Variants in TEAD1 observed in about 807,000 individuals in gnomAD.
The protein encoded by TEAD1 is TEA domain transcription factor 1.
In TEAD1, 9 loss-of-function variants were observed where a neutral mutation model predicts 54.9. The observed-to-expected ratio is 0.16, with a 90% CI of 0.10 to 0.29. The LOEUF is 0.29. Ranked by LOEUF, TEAD1 falls within the 10% of genes least tolerant of loss-of-function variation. The pLI is 1.00. For synonymous variants in TEAD1, 200 were observed against 187.8 expected (o/e 1.07, Z -0.53); for missense variants, 387 against 535.9 (o/e 0.72, Z 2.74).
chr11:12,719,790 C>G (rs2133863678), intron 2 of TEAD1, among the ~76,000 whole-genome samples: 1 of 143,142 alleles, frequency 7.0e-6, no homozygotes, highest in South Asian at 2.1e-4. Flanking sequence ...GAGCTAATAG[C>G]TAAAAAAACT....
At chr11:12,681,217 G>A (rs1041750909) in intron 2 of TEAD1, among the ~76,000 whole-genome samples, 1 of 152,106 alleles carries the variant, frequency 6.6e-6, no homozygotes, top group Non-Finnish European at 1.5e-5. Flanking sequence ...ATACTTAATA[G>A]CATTTCATAT....
chr11:12,881,995 C>A, intron 8 of TEAD1, 38 bp downstream of exon 8: 1 of 1,606,068 alleles, frequency 6.2e-7, no homozygotes, highest in African/African-American at 1.3e-5. Context: ...GAGCACAGCC[C>A]CACACAGCTG....
intron 3 of TEAD1, among the ~76,000 whole-genome samples, chr11:12,782,060 G>A (rs1945565390): frequency 6.6e-6 from 1 of 152,014 alleles, no homozygotes; most frequent in South Asian, 2.1e-4. Context: ...TGAGGTGGGA[G>A]GATCACCTGA....
At chr11:12,792,816 G>C (rs2133963842) in intron 3 of TEAD1, among the ~76,000 whole-genome samples, 1 of 152,296 alleles carries the variant, frequency 6.6e-6, no homozygotes, top group African/African-American at 2.4e-5. Flanking sequence ...AGTGGTTTGG[G>C]CAGCTGAGAC....
intron 9 of TEAD1, among the ~76,000 whole-genome samples, chr11:12,891,705 CT>C (rs1368763775): frequency 6.6e-6 from 1 of 152,184 alleles, no homozygotes; most frequent in African/African-American, 2.4e-5. Flanking sequence ...TGGGACCTGG[CT>C]AATAGATGGC....
At chr11:12,930,884 A>G (rs1590000488) in intron 12 of TEAD1, among the ~76,000 whole-genome samples, 1 of 152,342 alleles carries the variant, frequency 6.6e-6, no homozygotes, top group Non-Finnish European at 1.5e-5. Flanking sequence ...AGGAAAATAT[A>G]AGCTCTCAGT....
chr11:12,818,344 A>G (rs1946459972), intron 3 of TEAD1, among the ~76,000 whole-genome samples: 3 of 152,202 alleles, frequency 2.0e-5, no homozygotes, highest in African/African-American at 4.8e-5. Context: ...CACTGTTACT[A>G]TTTTTATAAA....
chr11:12,767,317 A>G (rs1945227231), intron 3 of TEAD1, among the ~76,000 whole-genome samples: 1 of 152,228 alleles, frequency 6.6e-6, no homozygotes, highest in Admixed American at 6.5e-5. Flanking sequence ...CTTAAAGAGC[A>G]TACTTTTTTT....
intron 2 of TEAD1, among the ~76,000 whole-genome samples, chr11:12,705,440 C>G (rs539903187): frequency 3.3e-5 from 5 of 152,324 alleles, no homozygotes; most frequent in South Asian, 4.1e-4. Context: ...AGTCCCAAAT[C>G]TGGATCCCAT....
At chr11:12,839,484 C>T (rs2134030803) in intron 3 of TEAD1, among the ~76,000 whole-genome samples, 1 of 152,322 alleles carries the variant, frequency 6.6e-6, no homozygotes, top group East Asian at 1.9e-4. Flanking sequence ...ACTGCATCCA[C>T]TCTGTCCACA....
At chr11:12,818,836 C>G (rs1281580424) in intron 3 of TEAD1, among the ~76,000 whole-genome samples, 2 of 152,200 alleles carry the variant, frequency 1.3e-5, no homozygotes. Flanking sequence ...ATAAGAAAAT[C>G]TATGTGAGTC....
chr11:12,834,194 G>A (rs79591975), intron 3 of TEAD1, among the ~76,000 whole-genome samples: 5,025 of 152,284 alleles, frequency 0.033, 310 homozygotes, highest in African/African-American at 0.11. Context: ...AGATGAATTA[G>A]TCAGTTGACG....
intron 3 of TEAD1, among the ~76,000 whole-genome samples, chr11:12,810,390 T>C (rs1255870490): frequency 6.6e-6 from 1 of 152,134 alleles, no homozygotes; most frequent in Admixed American, 6.5e-5. Context: ...ATTTTCCCCA[T>C]GAGGGTCTAA....
At chr11:12,716,505 T>A (rs1047381225) in intron 2 of TEAD1, among the ~76,000 whole-genome samples, 2 of 152,220 alleles carry the variant, frequency 1.3e-5, no homozygotes. Context: ...GAGGTCTCAT[T>A]TTTAGCAGTG....
intron 3 of TEAD1, chr11:12,851,014 T>C (rs1269133547): frequency 8.9e-6 from 8 of 899,212 alleles, no homozygotes; most frequent in Admixed American, 6.2e-5. Flanking sequence ...TCAGGTGATA[T>C]TGGCAGTGCT....
At chr11:12,912,749 C>CT (rs888189965) in intron 10 of TEAD1, among the ~76,000 whole-genome samples, 7 of 152,064 alleles carry the variant, frequency 4.6e-5, no homozygotes, top group African/African-American at 9.7e-5. Context: ...AGATACTTCT[C>CT]TTTTTTTTAA....
chr11:12,871,817 C>T (rs191651203), intron 5 of TEAD1, among the ~76,000 whole-genome samples: 384 of 152,192 alleles, frequency 2.5e-3, no homozygotes, highest in African/African-American at 5.7e-3. Flanking sequence ...CCGTGCCCTC[C>T]GCTCGGCAGG....
At chr11:12,884,295 G>A (rs1209555291) in intron 9 of TEAD1, among the ~76,000 whole-genome samples, 1 of 152,068 alleles carries the variant, frequency 6.6e-6, no homozygotes, top group Non-Finnish European at 1.5e-5. Flanking sequence ...TGAGCCCAAG[G>A]CAAAAACTGA....
intron 12 of TEAD1, among the ~76,000 whole-genome samples, chr11:12,934,225 A>G (rs1373082278): frequency 6.6e-6 from 1 of 152,216 alleles, no homozygotes; most frequent in African/African-American, 2.4e-5. Flanking sequence ...TGATGAGTTC[A>G]TGTCCTTTGT....
Sources: allele counts gnomAD v4.1 joint callset (sites outside exome capture counted in the v4.1 genomes callset), GRCh38; gene constraint gnomAD v4.1.1; transcripts MANE v1.5; gene names NCBI Gene and HGNC (gene_info 2026-07-23, HGNC 2026-07-21).